ADRA1A: variants seen among roughly 807,000 people sequenced by gnomAD.
ADRA1A encodes the protein alpha-1A adrenergic receptor.
ADRA1A carries 31 observed loss-of-function variants against 29.6 expected under a neutral mutation model. The ratio of observed to expected loss-of-function variants is 1.05; its 90% CI spans 0.79 to 1.41. ADRA1A has a LOEUF of 1.41. ADRA1A is among the 40% of genes most tolerant of loss of function. The probability of loss-of-function intolerance (pLI) is 0.00; values close to 1 mark genes in which losing one functional copy is unlikely to be tolerated. For missense variants in ADRA1A, 619 were observed against 601.1 expected (o/e 1.03, Z -0.31); for synonymous variants, 311 against 254.3 (o/e 1.22, Z -2.12).
In ADRA1A at chr8:26,823,279, C is replaced by T. The variant is rs1810312925; in HGVS notation, c.883+40808G>A. 3.4e-5 allele frequency among the ~76,000 whole-genome samples: 5 copies of T among 148,804 alleles called. No homozygotes were observed. The highest frequency in any genetic ancestry group is 2.0e-4 in the Admixed American group (3 of 14,964). On this transcript the variant is annotated intron_variant, in intron 2 of 2. Coordinates refer to ENST00000380573, the MANE Select transcript of ADRA1A (RefSeq NM_000680.4). The surrounding 1 kb of genome is among the most constrained non-coding windows in gnomAD (Gnocchi z 4.2). ...GCCACATGGTATAGTGTCTGCCTTC[C>T]ACACTGTCACGTGCTGGGGGCTGGG...
intron 2 of ADRA1A, among the ~76,000 whole-genome samples, chr8:26,804,468 G>GA (rs1475978279): frequency 6.6e-6 from 1 of 152,136 alleles, no homozygotes; most frequent in Admixed American, 6.6e-5. Flanking sequence ...TCATTATCAT[G>GA]AATGAAAGAA....
intron 2 of ADRA1A, among the ~76,000 whole-genome samples, chr8:26,843,882 T>C (rs1812016233): frequency 6.6e-6 from 1 of 152,238 alleles, no homozygotes; most frequent in Admixed American, 6.5e-5. Flanking sequence ...GGTAAAGTGC[T>C]TAATAAATTG....
At chr8:26,753,208 C>A (rs1033356474), downstream of ADRA1A, among the ~76,000 whole-genome samples, 2 of 152,162 alleles carry the variant, frequency 1.3e-5, no homozygotes, top group African/African-American at 2.4e-5. Context: ...TGTCTGTGAT[C>A]TTCTCTGACC....
intron 2 of ADRA1A, among the ~76,000 whole-genome samples, chr8:26,801,958 A>G (rs1207088954): frequency 6.6e-6 from 1 of 152,194 alleles, no homozygotes; most frequent in Admixed American, 6.5e-5. Flanking sequence ...CAGTGAACTC[A>G]TTTTTGACAA....
At position 26,865,035 on chromosome 8, in the gene ADRA1A, G is replaced by T; in HGVS notation, c.-66C>A. On this transcript the variant is annotated 5_prime_UTR_variant, in exon 2 of 3. Coordinates refer to ENST00000380573, the MANE Select transcript of ADRA1A (RefSeq NM_000680.4). The surrounding 1 kb of genome is among the most constrained non-coding windows in gnomAD (Gnocchi z 7.6). The stretch of plus-strand genomic sequence containing the variant: ...CACCTCCCGGGCTGGCGCGGAGGCG[G>T]GAGCGCGGGAGCCGGGAATCAAAAG... 1.3e-6 allele frequency: 2 copies of T among 1,519,146 alleles called. No homozygotes were observed. The highest frequency in any genetic ancestry group is 4.5e-5 in the East Asian group (2 of 44,254). The allele number at this position is 1,519,146 out of a possible 1,614,324, so 94.1% of individuals were successfully genotyped here.
chr8:26,845,616 A>G (rs1337436655), intron 2 of ADRA1A, among the ~76,000 whole-genome samples: 1 of 152,220 alleles, frequency 6.6e-6, no homozygotes, highest in Non-Finnish European at 1.5e-5. Flanking sequence ...CTGGTACTCA[A>G]ACAAAAACTT....
intron 2 of ADRA1A, among the ~76,000 whole-genome samples, chr8:26,856,239 G>T (rs922360405): frequency 6.6e-6 from 1 of 152,216 alleles, no homozygotes; most frequent in South Asian, 2.1e-4. Flanking sequence ...ATTCCAGAAC[G>T]ATGTGGCAGC....
chr8:26,807,231 CCTT>C (rs1353602248), intron 2 of ADRA1A, among the ~76,000 whole-genome samples: 2 of 152,190 alleles, frequency 1.3e-5, no homozygotes, highest in Non-Finnish European at 2.9e-5. Flanking sequence ...GCTAGTCTCC[CCTT>C]CTTTATCAAT....
chr8:26,813,839 T>C (rs532750398), intron 2 of ADRA1A, among the ~76,000 whole-genome samples: 1 of 152,342 alleles, frequency 6.6e-6, no homozygotes, highest in East Asian at 1.9e-4. Flanking sequence ...AATGTCTTTT[T>C]AGACTAGGCT....
chr8:26,766,049 G>T (rs1191211526), downstream of ADRA1A: 4 of 1,613,592 alleles, frequency 2.5e-6, no homozygotes, highest in Non-Finnish European at 2.5e-6. Flanking sequence ...GCTACCTGGA[G>T]ATCAGCATTC....
Position 26,865,232 on chromosome 8 carries a change from GC to G in ADRA1A, c.-264del. Reference sequence around the variant, plus strand: ...GGGCTGCCGGGGACCCTCTCCACCTGCCGGGCTGGCCTAGCCCGGGACCCGG... The same window carrying G: ...GGGCTGCCGGGGACCCTCTCCACCTGCGGGCTGGCCTAGCCCGGGACCCGG... On this transcript the variant is annotated 5_prime_UTR_variant, in exon 2 of 3. Coordinates refer to ENST00000380573, the MANE Select transcript of ADRA1A (RefSeq NM_000680.4). The surrounding 1 kb of genome is among the most constrained non-coding windows in gnomAD (Gnocchi z 7.6). 1 of 1,317,892 alleles carries G rather than the reference GC, an allele frequency of 7.6e-7. No individual in the cohort carries two copies. Among genetic ancestry groups the G allele is most frequent in the Non-Finnish European group, 9.7e-7 (1 of 1,034,264 alleles). 81.6% of individuals were successfully genotyped at this position (1,317,892 alleles called of 1,614,324 possible). A position where few individuals can be genotyped will look rare whatever the true frequency, so the allele number is the denominator to read the frequency against.
In ADRA1A at chr8:26,790,822, T is replaced by A. The variant is rs73558289; in HGVS notation, c.884-20156A>T. On this transcript the variant is annotated intron_variant, in intron 2 of 2. Coordinates refer to ENST00000380573, the MANE Select transcript of ADRA1A (RefSeq NM_000680.4). ...AATTATAGTGACTTTCTCTTTGGAA[T>A]AAGTTTGATCTATATTCAGGCACCA... Among the ~76,000 whole-genome samples the A allele has an allele frequency of 2.4e-3, 358 of 152,328 alleles. 1 individual carries two copies. The highest frequency in any genetic ancestry group is 7.7e-3 in the African/African-American group (319 of 41,584).
chr8:26,863,054 A>C (rs991364815), intron 2 of ADRA1A, among the ~76,000 whole-genome samples: 1 of 152,240 alleles, frequency 6.6e-6, no homozygotes, highest in Admixed American at 6.5e-5. Flanking sequence ...ACAGAGTTGC[A>C]AATTAAAGTA....
intron 2 of ADRA1A, among the ~76,000 whole-genome samples, chr8:26,802,030 C>G (rs952722579): frequency 6.6e-6 from 1 of 152,090 alleles, no homozygotes; most frequent in African/African-American, 2.4e-5. Context: ...CTGGGGAAAC[C>G]AGATATCCAT....
chr8:26,806,917 G>A lies in ADRA1A; in HGVS notation c.884-36251C>T, dbSNP rs1809036096. Among the ~76,000 whole-genome samples, 1 of 152,188 alleles carries A rather than the reference G, an allele frequency of 6.6e-6. No individual in the cohort carries two copies. Among genetic ancestry groups the A allele is most frequent in the African/African-American group, 2.4e-5 (1 of 41,448 alleles). On this transcript the variant is annotated intron_variant, in intron 2 of 2. Coordinates refer to ENST00000380573, the MANE Select transcript of ADRA1A (RefSeq NM_000680.4). This position sits in a 1 kb window ranked among gnomAD's most constrained non-coding sequence, Gnocchi z 4.6. ...GGGAGCTGGACCCAAACTCTGATAAGCTGGGTCTTTACCAAGGGCCAAAGT... is the reference window on the plus strand; with the variant it reads ...GGGAGCTGGACCCAAACTCTGATAAACTGGGTCTTTACCAAGGGCCAAAGT...
chr8:26,758,631 T>C (rs1383467129), intron 2 of ADRA1A, among the ~76,000 whole-genome samples: 3 of 152,190 alleles, frequency 2.0e-5, no homozygotes, highest in African/African-American at 4.8e-5. Flanking sequence ...GGAACTGCAA[T>C]GAAGCCCAGG....
chr8:26,751,372 A>G (rs551718024), intron 2 of ADRA1A, among the ~76,000 whole-genome samples: 89 of 152,374 alleles, frequency 5.8e-4, no homozygotes, highest in African/African-American at 2.1e-3. Flanking sequence ...GTTGAAGGCA[A>G]TTTGTATTTA....
chr8:26,778,031 C>T (rs895970613), intron 2 of ADRA1A, among the ~76,000 whole-genome samples: 1 of 152,240 alleles, frequency 6.6e-6, no homozygotes, highest in Non-Finnish European at 1.5e-5. Context: ...GTTCTCTTGA[C>T]AGGATCTGTC....
chr8:26,816,207 G>A (rs746062455), intron 2 of ADRA1A, among the ~76,000 whole-genome samples: 4 of 152,170 alleles, frequency 2.6e-5, no homozygotes, highest in South Asian at 4.1e-4. Context: ...TTAAATTGGT[G>A]TGGGAAGGAC....
Sources: gnomAD v4.1 joint callset for allele counts (sites outside exome capture counted in the v4.1 genomes callset) on GRCh38, gnomAD v4.1.1 for gene constraint, Gnocchi (gnomAD v3.1) non-coding constraint, MANE v1.5 for transcripts, NCBI Gene and HGNC (gene_info 2026-07-23, HGNC 2026-07-21) for gene names.